The following CD38 variants were observed in gnomAD, a reference collection of about 807,000 sequenced individuals.
CD38 encodes CD38 molecule.
A neutral mutation model predicts 36.3 loss-of-function variants in CD38; 31 were observed. The ratio of observed to expected loss-of-function variants is 0.85; its 90% CI spans 0.64 to 1.15. The LOEUF (loss-of-function observed/expected upper bound fraction) is 1.15. Ranked by LOEUF, CD38 falls within the 50% of genes most tolerant of loss-of-function variation. The pLI, the probability that CD38 is intolerant of heterozygous loss-of-function variation, is 0.00. For missense variants in CD38, 380 were observed against 371.9 expected (o/e 1.02, Z -0.18); for synonymous variants, 131 against 135.2 (o/e 0.97, Z 0.22).
chr4:15,816,839 C>G (rs909529320), intron 2 of CD38, 199 bp downstream of exon 2: 1 of 578,470 alleles, frequency 1.7e-6, no homozygotes, highest in African/African-American at 1.9e-5. Flanking sequence ...GAGAAGGGAG[C>G]TAAGAGAGAG....
rs1008867356 is a variant in CD38 at position 15,850,385 on chromosome 4, C to A, written c.*1783C>A. The A allele has an allele frequency of 6.6e-6, 1 of 152,196 alleles. No individual in the cohort carries two copies. Among genetic ancestry groups the A allele is most frequent in the Admixed American group, 6.5e-5 (1 of 15,282 alleles). The allele number at this position is 152,196 out of a possible 1,614,324, so 9.4% of individuals were successfully genotyped here. A position where few individuals can be genotyped will look rare whatever the true frequency, so the allele number is the denominator to read the frequency against. ...TTGAGACTCCTTCAGGGAATGACCA[C>A]AATTTATTGAAAATAGCCTAAATGT... On this transcript the variant is annotated 3_prime_UTR_variant, in exon 8 of 8. Coordinates refer to ENST00000226279, the MANE Select transcript of CD38 (RefSeq NM_001775.4).
intron 4 of CD38, among the ~76,000 whole-genome samples, chr4:15,835,076 ATAT>A (rs1724037994): frequency 6.6e-6 from 1 of 152,106 alleles, no homozygotes; most frequent in African/African-American, 2.4e-5. Context: ...CTGAAACTAC[ATAT>A]TATTAACTGT....
At position 15,778,694 on chromosome 4, in the gene CD38, G is replaced by A. The variant is rs1041478881; in HGVS notation, c.233+47G>A. 18 of 1,361,230 alleles carry A rather than the reference G, an allele frequency of 1.3e-5. 1 individual carries two copies. In the South Asian group the frequency reaches 2.1e-4, roughly 16 times the overall value. 84.3% of individuals were successfully genotyped at this position (1,361,230 alleles called of 1,614,324 possible). The stretch of plus-strand genomic sequence containing the variant: ...ACCGGTGGGCACTGCGGGGACAGCA[G>A]GGCCCCGCGCGCAGGGAAGCCGCCC... On this transcript the variant is annotated intron_variant, in intron 1 of 7. Coordinates refer to ENST00000226279, the MANE Select transcript of CD38 (RefSeq NM_001775.4). The surrounding 1 kb of genome is among the most constrained non-coding windows in gnomAD (Gnocchi z 4.9).
chr4:15,848,413 T>G, intron 7 of CD38, 126 bp from the exon 8 acceptor site: 4 of 606,372 alleles, frequency 6.6e-6, no homozygotes, highest in South Asian at 2.1e-5. Flanking sequence ...AGGAGAGGAG[T>G]TTATATGGAT....
chr4:15,808,598 C>A (rs987922923), intron 1 of CD38, among the ~76,000 whole-genome samples: 1 of 152,206 alleles, frequency 6.6e-6, no homozygotes, highest in Non-Finnish European at 1.5e-5. Flanking sequence ...CCAGGGATAG[C>A]TATTCTTACA....
chr4:15,792,427 T>A (rs7669667), intron 1 of CD38, among the ~76,000 whole-genome samples: 75,142 of 121,606 alleles, frequency 0.62, 23,717 homozygotes, highest in African/African-American at 0.86. Context: ...TCAATAAAAA[T>A]AAAATAAAAT....
chr4:15,812,038 A>AG (rs1242559339), intron 1 of CD38, among the ~76,000 whole-genome samples: 4 of 152,034 alleles, frequency 2.6e-5, no homozygotes, highest in Non-Finnish European at 5.9e-5. Flanking sequence ...TTCAAGGTTG[A>AG]GGTCTTCTTT....
At chr4:15,789,965 T>C (rs1426325750) in intron 1 of CD38, among the ~76,000 whole-genome samples, 1 of 152,136 alleles carries the variant, frequency 6.6e-6, no homozygotes, top group Admixed American at 6.5e-5. Context: ...AGAAAATGAC[T>C]AAAACAGGAG....
intron 1 of CD38, among the ~76,000 whole-genome samples, chr4:15,815,083 G>A (rs1024750054): frequency 6.6e-6 from 1 of 152,098 alleles, no homozygotes; most frequent in Non-Finnish European, 1.5e-5. Context: ...GGGATTACAG[G>A]CGTGAGCCAC....
At chr4:15,793,159 C>G (rs1209362427) in intron 1 of CD38, among the ~76,000 whole-genome samples, 2 of 152,010 alleles carry the variant, frequency 1.3e-5, no homozygotes, top group Non-Finnish European at 2.9e-5. Flanking sequence ...CGTTTTCTTC[C>G]CTTGAGTCTG....
chr4:15,848,147 A>C (rs1464636395), intron 7 of CD38, among the ~76,000 whole-genome samples: 1 of 152,200 alleles, frequency 6.6e-6, no homozygotes, highest in Non-Finnish European at 1.5e-5. Context: ...ATTTTTATGA[A>C]AATAATAGTC....
At chr4:15,808,190 G>C (rs943928429) in intron 1 of CD38, among the ~76,000 whole-genome samples, 1 of 152,206 alleles carries the variant, frequency 6.6e-6, no homozygotes, top group Admixed American at 6.5e-5. Context: ...AGTGTTTGGG[G>C]AGAAAGCTCT....
At chr4:15,793,645 G>T (rs1423654432) in intron 1 of CD38, among the ~76,000 whole-genome samples, 1 of 152,134 alleles carries the variant, frequency 6.6e-6, no homozygotes, top group Non-Finnish European at 1.5e-5. Context: ...GGATCTCTCT[G>T]GCTGCTGCAT....
intron 3 of CD38, among the ~76,000 whole-genome samples, chr4:15,833,847 G>A (rs1724009095): frequency 6.6e-6 from 1 of 152,178 alleles, no homozygotes. Context: ...AGAGAGAGTT[G>A]TCAGGAAGCA....
intron 7 of CD38, among the ~76,000 whole-genome samples, chr4:15,841,606 C>T (rs561611508): frequency 1.3e-5 from 2 of 149,290 alleles, no homozygotes; most frequent in African/African-American, 2.6e-5. Context: ...CCAGCGTGAG[C>T]GACGCAGAAG....
rs1166692022 is a variant in CD38 at position 15,851,065 on chromosome 4, A to G, written c.*2463A>G. 6.6e-6 allele frequency: 1 copy of G among 152,156 alleles called. No individual in the cohort carries two copies. Among genetic ancestry groups the G allele is most frequent in the African/African-American group, 2.4e-5 (1 of 41,424 alleles). The allele number at this position is 152,156 out of a possible 1,614,324, so 9.4% of individuals were successfully genotyped here. ...GAGTGTTCAAGTTCAGAGCCAGTGG[A>G]GACCTTAGGGGAGGGTGGTCACAAG... On this transcript the variant is annotated 3_prime_UTR_variant, in exon 8 of 8. Transcript: ENST00000226279.
chr4:15,823,760 C>T (rs1162420823), intron 2 of CD38, among the ~76,000 whole-genome samples: 1 of 152,172 alleles, frequency 6.6e-6, no homozygotes, highest in Non-Finnish European at 1.5e-5. Context: ...TGTGGCAATT[C>T]CTCAAAGATC....
Position 15,837,098 on chromosome 4 carries a change from G to A in CD38, c.586-994G>A, listed in dbSNP as rs73799201. Among the ~76,000 whole-genome samples, 478 of 152,226 alleles carry A rather than the reference G, an allele frequency of 3.1e-3. 3 individuals carry two copies. The highest frequency in any genetic ancestry group is 0.011 in the African/African-American group (457 of 41,514). ...ATAGTTTCCATTTCACTACTCTATGGTATGTTTTAGGACAGTGCTGTTGCT... is the reference window on the plus strand; with the variant it reads ...ATAGTTTCCATTTCACTACTCTATGATATGTTTTAGGACAGTGCTGTTGCT... On this transcript the variant is annotated intron_variant, in intron 4 of 7. Transcript: ENST00000226279.
chr4:15,849,384 C>CT lies in CD38; in HGVS notation c.*787dup, dbSNP rs1420477346. ...TCTGTCCAACTCCAAAATTCATGTG[C>CT]TTTTTCCTTCTAGGCCTTTCATACC... On this transcript the variant is annotated 3_prime_UTR_variant, in exon 8 of 8. Transcript: ENST00000226279. 3 of 152,192 alleles carry CT rather than the reference C, an allele frequency of 2.0e-5. No individual in the cohort carries two copies. Among genetic ancestry groups the CT allele is most frequent in the Non-Finnish European group, 4.4e-5 (3 of 68,024 alleles). The allele number at this position is 152,192 out of a possible 1,614,324, so 9.4% of individuals were successfully genotyped here.
Sources: allele counts gnomAD v4.1 joint callset (sites outside exome capture counted in the v4.1 genomes callset), GRCh38; gene constraint gnomAD v4.1.1; non-coding constraint Gnocchi (gnomAD v3.1); transcripts MANE v1.5; gene names NCBI Gene and HGNC (gene_info 2026-07-23, HGNC 2026-07-21).